The following LYRM4 variants were observed in gnomAD, a reference collection of about 807,000 sequenced individuals.
The protein encoded by LYRM4 is LYR motif-containing protein 4.
In LYRM4, 9 loss-of-function variants were observed where a neutral mutation model predicts 11.7. The ratio of observed to expected loss-of-function variants is 0.77; its 90% confidence interval spans 0.46 to 1.34. The LOEUF (loss-of-function observed/expected upper bound fraction) is 1.34. Ranked by LOEUF, LYRM4 falls within the 40% of genes most tolerant of loss-of-function variation. LYRM4 has a pLI of 0.00. For missense variants in LYRM4, 133 were observed against 112.5 expected, an observed-to-expected ratio of 1.18 and a Z score of -0.82; for synonymous variants, 42 against 40.4, an observed-to-expected ratio of 1.04 and a Z score of -0.15.
intron 1 of LYRM4, among the ~76,000 whole-genome samples, chr6:5,240,146 A>G (rs930425846): frequency 6.6e-6 from 1 of 152,084 alleles, no homozygotes; most frequent in African/African-American, 2.4e-5. Flanking sequence ...GCTGTATCCT[A>G]TTGCTGAAAA....
At chr6:5,218,718 T>C (rs952923908) in intron 1 of LYRM4, among the ~76,000 whole-genome samples, 2 of 152,182 alleles carry the variant, frequency 1.3e-5, no homozygotes, top group African/African-American at 4.8e-5. Flanking sequence ...AGCTGCTAAA[T>C]AACTGGGGCT....
rs957672246 is a variant in LYRM4 at position 5,140,362 on chromosome 6, T to C, written c.208-30871A>G. On this transcript the variant is annotated intron_variant, in intron 2 of 2. Coordinates refer to ENST00000330636, the MANE Select transcript of LYRM4 (RefSeq NM_020408.6). Reference sequence around the variant, plus strand: ...TTAAATTTACTTTGTCTAAGGTTTGTCTTTTAACAATACTTAAAAAAAAAT... The same window carrying C: ...TTAAATTTACTTTGTCTAAGGTTTGCCTTTTAACAATACTTAAAAAAAAAT... Among the ~76,000 whole-genome samples, 7 of 152,316 alleles carry C rather than the reference T, an allele frequency of 4.6e-5. No homozygotes were observed. The East Asian group carries it at 1.4e-3, about 29-fold the overall frequency.
At chr6:5,242,053 T>C (rs116698342) in intron 1 of LYRM4, among the ~76,000 whole-genome samples, 3,189 of 151,828 alleles carry the variant, frequency 0.021, 96 homozygotes, top group African/African-American at 0.072. Flanking sequence ...GTCTCAGTTA[T>C]AATTTCCTGG....
chr6:5,079,912 G>A, the LYRM4 span, among the ~76,000 whole-genome samples: 1 of 152,150 alleles, frequency 6.6e-6, no homozygotes, highest in Non-Finnish European at 1.5e-5. Context: ...TGTATCCAGG[G>A]CACAACTATT....
chr6:5,096,611 G>T, the LYRM4 span, among the ~76,000 whole-genome samples: 80 of 152,166 alleles, frequency 5.3e-4, no homozygotes, highest in Non-Finnish European at 9.3e-4. Context: ...AGGACAGCCA[G>T]GCCTGCAGTT....
At chr6:5,208,882 T>C (rs1295435590) in intron 2 of LYRM4, among the ~76,000 whole-genome samples, 2 of 152,228 alleles carry the variant, frequency 1.3e-5, no homozygotes, top group African/African-American at 2.4e-5. Flanking sequence ...AACTGTCTCA[T>C]TGCCTTGCTT....
chr6:5,051,004 A>G, the LYRM4 span, among the ~76,000 whole-genome samples: 1 of 152,216 alleles, frequency 6.6e-6, no homozygotes, highest in Non-Finnish European at 1.5e-5. Flanking sequence ...AAAGGAACTA[A>G]AGGAGCTAAA....
chr6:5,067,015 C>A, the LYRM4 span: 1 of 640,384 alleles, frequency 1.6e-6, no homozygotes, highest in Non-Finnish European at 2.3e-6. Flanking sequence ...CCAAGGATTA[C>A]CGGGGGTTGC....
At chr6:5,136,723 CCGCCCCAAGGAGCAG>C in intron 2 of LYRM4, 1 of 985,418 alleles carries the variant, frequency 1.0e-6, no homozygotes, top group Non-Finnish European at 1.2e-6. Context: ...ACATGCTAAA[CCGCCCCAAGGAGCAG>C]CGCCTGTAGG....
chr6:5,149,093 C>T (rs552636090), intron 2 of LYRM4, among the ~76,000 whole-genome samples: 1 of 152,132 alleles, frequency 6.6e-6, no homozygotes, highest in Non-Finnish European at 1.5e-5. Context: ...AATATTTAGC[C>T]AATTTCGCTT....
intron 1 of LYRM4, among the ~76,000 whole-genome samples, chr6:5,237,429 C>A (rs1278999893): frequency 6.6e-6 from 1 of 151,820 alleles, no homozygotes; most frequent in Non-Finnish European, 1.5e-5. Context: ...AAGCTCAGCG[C>A]TCCCACTGAT....
intron 1 of LYRM4, among the ~76,000 whole-genome samples, chr6:5,234,696 G>A (rs1487718622): frequency 3.9e-5 from 6 of 152,086 alleles, no homozygotes; most frequent in East Asian, 1.9e-4. Context: ...TAAAAATATC[G>A]AAGAAGGAAT....
the LYRM4 span, among the ~76,000 whole-genome samples, chr6:5,096,674 T>C: frequency 2.8e-4 from 42 of 152,218 alleles, no homozygotes; most frequent in East Asian, 7.1e-3. Context: ...ACCCTTAAAA[T>C]AGTGTGAGTG....
At chr6:5,141,742 AC>A (rs907766238) in intron 2 of LYRM4, among the ~76,000 whole-genome samples, 7 of 151,910 alleles carry the variant, frequency 4.6e-5, no homozygotes, top group African/African-American at 7.3e-5. Context: ...CCAAACTTTT[AC>A]CCCCCCACCA....
Position 5,113,846 on chromosome 6 carries a change from C to T in LYRM4, c.208-4355G>A, listed in dbSNP as rs189561140. ...CCTCCCAAGTAGCTGGGATTACAGG[C>T]ATGTGCCGCCATGCCTGGCTAATCA... On this transcript the variant is annotated intron_variant, in intron 2 of 2. Transcript: ENST00000330636. 8.4e-3 allele frequency among the ~76,000 whole-genome samples: 1,283 copies of T among 152,230 alleles called. 14 individuals carry two copies. The highest frequency in any genetic ancestry group is 0.031 in the Middle Eastern group (9 of 294).
intron 2 of LYRM4, among the ~76,000 whole-genome samples, chr6:5,184,887 C>A (rs1438007435): frequency 1.3e-5 from 2 of 152,214 alleles, no homozygotes; most frequent in African/African-American, 4.8e-5. Context: ...ATCCTCATCA[C>A]ACCTCTGATT....
downstream of LYRM4, among the ~76,000 whole-genome samples, chr6:5,100,258 C>T (rs1762458564): frequency 6.6e-6 from 1 of 152,210 alleles, no homozygotes; most frequent in South Asian, 2.1e-4. Flanking sequence ...ATGCTGGGTT[C>T]TTGCCTGGAA....
chr6:5,216,115 G>A (rs1394855757), intron 2 of LYRM4, among the ~76,000 whole-genome samples: 5 of 152,096 alleles, frequency 3.3e-5, no homozygotes, highest in African/African-American at 1.2e-4. Flanking sequence ...GTTCCTTTAT[G>A]GGGTCAGCAC....
the LYRM4 span, among the ~76,000 whole-genome samples, chr6:5,069,542 G>A: frequency 4.6e-5 from 7 of 151,534 alleles, no homozygotes; most frequent in Non-Finnish European, 1.0e-4. Context: ...GTGCAGTGGC[G>A]TGATCTCAGT....
Sources: allele counts gnomAD v4.1 joint callset (sites outside exome capture counted in the v4.1 genomes callset), GRCh38; gene constraint gnomAD v4.1.1; transcripts MANE v1.5; gene names NCBI Gene and HGNC (gene_info 2026-07-23, HGNC 2026-07-21).